The following ADAM32 variants were observed in gnomAD, a reference collection of about 807,000 sequenced individuals.
ADAM32 encodes the protein disintegrin and metalloproteinase domain-containing protein 32.
A neutral mutation model predicts 114.9 loss-of-function variants in ADAM32; 89 were observed. That is an observed-to-expected ratio of 0.77 (90% CI 0.65 to 0.92). ADAM32 has a LOEUF of 0.92. Ranked by LOEUF, ADAM32 falls within the 40% of genes least tolerant of loss-of-function variation. ADAM32 has a pLI of 0.00. For missense variants in ADAM32, 870 were observed against 932.8 expected (o/e 0.93, Z 0.88); for synonymous variants, 285 against 307.5 (o/e 0.93, Z 0.77).
chr8:39,129,244 G>A (rs1055463542), intron 2 of ADAM32, among the ~76,000 whole-genome samples: 20 of 149,834 alleles, frequency 1.3e-4, no homozygotes, highest in Non-Finnish European at 7.4e-5. Flanking sequence ...TCTTTAGTTT[G>A]TTGAATGGAA....
intron 17 of ADAM32, among the ~76,000 whole-genome samples, chr8:39,251,411 C>T (rs1185443513): frequency 6.6e-6 from 1 of 151,656 alleles, no homozygotes; most frequent in Non-Finnish European, 1.5e-5. Flanking sequence ...GCCATTTTAA[C>T]TGGATTGAGA....
intron 11 of ADAM32, among the ~76,000 whole-genome samples, chr8:39,187,834 G>A (rs1162209794): frequency 6.6e-6 from 1 of 152,066 alleles, no homozygotes; most frequent in Admixed American, 6.5e-5. Context: ...ACAGGGTGAT[G>A]TAAGAATAAA....
intron 14 of ADAM32, among the ~76,000 whole-genome samples, chr8:39,228,015 A>G (rs189383232): frequency 6.6e-6 from 1 of 152,304 alleles, no homozygotes; most frequent in East Asian, 1.9e-4. Flanking sequence ...CTCTGTGCAG[A>G]CACCCACCAG....
intron 11 of ADAM32, among the ~76,000 whole-genome samples, chr8:39,200,841 T>A (rs1368432229): frequency 6.6e-6 from 1 of 152,238 alleles, no homozygotes; most frequent in Non-Finnish European, 1.5e-5. Flanking sequence ...TTTCTACATA[T>A]GGCTAGCCAG....
chr8:39,224,463 A>G (rs1435190704), intron 14 of ADAM32, among the ~76,000 whole-genome samples: 1 of 152,190 alleles, frequency 6.6e-6, no homozygotes, highest in Non-Finnish European at 1.5e-5. Context: ...GACAATAATC[A>G]TTCTAACAGA....
intron 22 of ADAM32, among the ~76,000 whole-genome samples, chr8:39,279,555 T>C (rs1050426699): frequency 6.6e-6 from 1 of 152,220 alleles, no homozygotes; most frequent in African/African-American, 2.4e-5. Flanking sequence ...GTACTGTGAT[T>C]GCAGGCGTGA....
At chr8:39,234,310 C>A (rs1809960641) in intron 16 of ADAM32, among the ~76,000 whole-genome samples, 1 of 140,324 alleles carries the variant, frequency 7.1e-6, no homozygotes, top group African/African-American at 2.6e-5. Context: ...CAAGGAAACT[C>A]CAAATATTTG....
At chr8:39,113,994 C>G (rs958151819) in intron 1 of ADAM32, among the ~76,000 whole-genome samples, 7 of 122,372 alleles carry the variant, frequency 5.7e-5, no homozygotes, top group Non-Finnish European at 1.1e-4. Context: ...ACATTGGAAT[C>G]TATATTTTTT....
At chr8:39,221,953 G>A (rs1046357378) in intron 13 of ADAM32, among the ~76,000 whole-genome samples, 1 of 151,444 alleles carries the variant, frequency 6.6e-6, no homozygotes. Flanking sequence ...TCTTCAATAC[G>A]GAAGACCTCT....
intron 6 of ADAM32, among the ~76,000 whole-genome samples, chr8:39,154,115 G>T (rs1392955129): frequency 1.3e-5 from 2 of 151,038 alleles, no homozygotes; most frequent in African/African-American, 4.9e-5. Flanking sequence ...AGGTACACAC[G>T]TGCCATGGTG....
chr8:39,259,390 T>G (rs73608634), intron 19 of ADAM32, among the ~76,000 whole-genome samples: 41,924 of 151,506 alleles, frequency 0.28, 6,065 homozygotes, highest in African/African-American at 0.36. Context: ...TAGTAGAGAC[T>G]GGGTTTCTCC....
chr8:39,126,971 T>C (rs1802157107), intron 2 of ADAM32, among the ~76,000 whole-genome samples: 1 of 152,226 alleles, frequency 6.6e-6, no homozygotes, highest in Non-Finnish European at 1.5e-5. Flanking sequence ...TGAATCACAC[T>C]TGTTGATTTG....
chr8:39,140,321 T>C (rs1394731987), intron 3 of ADAM32, among the ~76,000 whole-genome samples: 1 of 152,222 alleles, frequency 6.6e-6, no homozygotes, highest in Non-Finnish European at 1.5e-5. Flanking sequence ...TATTTTGAGA[T>C]ACATTCCATC....
intron 1 of ADAM32, among the ~76,000 whole-genome samples, chr8:39,115,519 A>G (rs1037860115): frequency 2.0e-5 from 3 of 150,330 alleles, no homozygotes; most frequent in African/African-American, 4.9e-5. Flanking sequence ...TAAGTTTTTC[A>G]TATGCTTCTT....
At chr8:39,232,761 GT>G (rs1809832974) in intron 15 of ADAM32, among the ~76,000 whole-genome samples, 2 of 152,214 alleles carry the variant, frequency 1.3e-5, no homozygotes, top group Non-Finnish European at 2.9e-5. Flanking sequence ...CCTCTATGAA[GT>G]TTTTCTTAAC....
chr8:39,164,737 A>T, intron 7 of ADAM32, 27 bp from the exon 8 acceptor site: 1 of 1,495,792 alleles, frequency 6.7e-7, no homozygotes, highest in Non-Finnish European at 9.2e-7. Flanking sequence ...ATTTGTACTT[A>T]AATATAAAAT....
intron 6 of ADAM32, among the ~76,000 whole-genome samples, chr8:39,152,002 A>G (rs1345267623): frequency 1.3e-5 from 2 of 151,988 alleles, no homozygotes; most frequent in African/African-American, 4.8e-5. Context: ...TTGAAACCAT[A>G]CTTTTTATGA....
chr8:39,245,640 A>G (rs1051411701), intron 16 of ADAM32, among the ~76,000 whole-genome samples: 3 of 152,056 alleles, frequency 2.0e-5, no homozygotes, highest in Non-Finnish European at 2.9e-5. Flanking sequence ...CTCAGGAGAA[A>G]CCAACCCTGC....
At chr8:39,132,539 A>G (rs1008461831) in intron 2 of ADAM32, among the ~76,000 whole-genome samples, 4 of 152,188 alleles carry the variant, frequency 2.6e-5, no homozygotes, top group African/African-American at 7.2e-5. Flanking sequence ...TCACAATGCT[A>G]TATCTTTTAA....
Sources: allele counts gnomAD v4.1 joint callset (sites outside exome capture counted in the v4.1 genomes callset), GRCh38; gene constraint gnomAD v4.1.1; transcripts MANE v1.5; gene names NCBI Gene and HGNC (gene_info 2026-07-23, HGNC 2026-07-21).